The following MYOM1 variants were observed in gnomAD, a reference collection of about 807,000 sequenced individuals.
MYOM1 encodes myomesin-1.
MYOM1 carries 164 observed loss-of-function variants against 205.3 expected under a neutral mutation model. The ratio of observed to expected loss-of-function variants is 0.80; its 90% CI spans 0.70 to 0.91. The LOEUF is 0.91. MYOM1 is among the 40% of genes least tolerant of loss of function. MYOM1 has a pLI of 0.00. For synonymous variants in MYOM1, 772 were observed against 789.4 expected, an observed-to-expected ratio of 0.98 and a Z score of 0.37; for missense variants, 2,011 against 2,127.3, an observed-to-expected ratio of 0.95 and a Z score of 1.08.
chr18:3,202,248 A>G (rs2081078428), intron 2 of MYOM1, among the ~76,000 whole-genome samples: 1 of 152,240 alleles, frequency 6.6e-6, no homozygotes. Flanking sequence ...GGTCCATTTA[A>G]TACAAAATAA....
chr18:3,123,827 A>ATTTTTTTTTTTTTTT (rs5822739), intron 19 of MYOM1, among the ~76,000 whole-genome samples: 3 of 147,380 alleles, frequency 2.0e-5, no homozygotes, highest in Admixed American at 6.7e-5. Context: ...ATTTTTATTT[A>ATTTTTTTTTTTTTTT]TTTATTTTTT....
intron 14 of MYOM1, among the ~76,000 whole-genome samples, chr18:3,140,267 C>T (rs12604970): frequency 0.23 from 35,562 of 151,790 alleles, 4,556 homozygotes; most frequent in East Asian, 0.44. Flanking sequence ...TTTAGCCAGG[C>T]GTGGTGGCTC....
At chr18:3,132,985 C>T (rs1431809028) in intron 16 of MYOM1, among the ~76,000 whole-genome samples, 2 of 151,818 alleles carry the variant, frequency 1.3e-5, no homozygotes, top group African/African-American at 4.8e-5. Flanking sequence ...TCTAGGCCAG[C>T]CCTTCAGTCC....
intron 21 of MYOM1, among the ~76,000 whole-genome samples, chr18:3,113,985 T>C (rs2079566943): frequency 6.6e-6 from 1 of 152,254 alleles, no homozygotes; most frequent in African/African-American, 2.4e-5. Flanking sequence ...TAGCCCTCAC[T>C]GGCACTAACG....
At position 3,116,368 on chromosome 18, in the gene MYOM1, C is replaced by T; in HGVS notation, c.3266G>A (p.Gly1089Glu). Residue 1089 changes from glycine to glutamate, a missense_variant, in exon 21 of 38, where the codon GGG becomes GAG. By Grantham distance (98) the Gly-to-Glu change is moderately conservative. Transcript: ENST00000356443. ...EAKAKEDQWR[G>E]LNEAAIKNVY... ...GTTTTTAATAGCCGCCTCATTGAGCCCTCGCCACTGGTCTTCTTTGGCCTT... is the reference window on the plus strand; with the variant it reads ...GTTTTTAATAGCCGCCTCATTGAGCTCTCGCCACTGGTCTTCTTTGGCCTT... The T allele has an allele frequency of 6.2e-7, 1 of 1,612,740 alleles. No individual in the cohort carries two copies. Among genetic ancestry groups the T allele is most frequent in the South Asian group, 1.1e-5 (1 of 90,952 alleles).
In MYOM1 at chr18:3,116,336, G is replaced by A; in HGVS notation, c.3298C>T (p.Leu1100=). ...LNEAAIKNVY[L]KVRGLKEGVS... ...AGAACTGAGCAGCCTCTTACCTTCA[G>A]GTATACGTTTTTAATAGCCGCCTCA... is the stretch of plus-strand genomic sequence containing the variant. Residue 1100 remains leucine (L), a synonymous_variant, in exon 21 of 38, where the codon CTG becomes TTG. Transcript: ENST00000356443. The A allele has an allele frequency of 6.2e-7, 1 of 1,611,068 alleles. No individual in the cohort carries two copies. The highest frequency in any genetic ancestry group is 8.5e-7 in the Non-Finnish European group (1 of 1,179,406).
chr18:3,142,418 C>T (rs2080064007), intron 13 of MYOM1, among the ~76,000 whole-genome samples: 1 of 152,002 alleles, frequency 6.6e-6, no homozygotes, highest in Non-Finnish European at 1.5e-5. Flanking sequence ...CACACCACCA[C>T]ACCTACATAA....
chr18:3,094,279 A>C lies in MYOM1; in HGVS notation c.3755T>G (p.Val1252Gly), dbSNP rs764372608. Reference sequence around the variant, plus strand: ...GACCTGGCCTTTCTCCAAAATTTCAACTGCCAACTCTGATTTAACTGGGAC... The same window carrying C: ...GACCTGGCCTTTCTCCAAAATTTCACCTGCCAACTCTGATTTAACTGGGAC... ...PTVPVKSELA[V>G]EILEKGQVRF... Residue 1252 changes from valine (V) to glycine (G), a missense_variant, in exon 26 of 38, where the codon GTT (valine) becomes GGT (glycine). Val to Gly is a moderately radical substitution (Grantham distance 109). Transcript: ENST00000356443. 2 of 1,613,648 alleles carry C rather than the reference A, an allele frequency of 1.2e-6. No homozygotes were observed. Among genetic ancestry groups the C allele is most frequent in the East Asian group, 4.5e-5 (2 of 44,890 alleles).
rs1206127107 is a variant in MYOM1 at position 3,152,309 on chromosome 18, T to G, written c.1644-416A>C. 6.6e-6 allele frequency among the ~76,000 whole-genome samples: 1 copy of G among 152,230 alleles called. No individual in the cohort carries two copies. Among genetic ancestry groups the G allele is most frequent in the Admixed American group, 6.5e-5 (1 of 15,286 alleles). ...GTATTTTCTTTGAAAAACAGAGGTA[T>G]TATTGAGAAAATTGGCGTCTTAAAA... On this transcript the variant is annotated intron_variant, in intron 11 of 37. Transcript: ENST00000356443. The surrounding 1 kb of genome is among the most constrained non-coding windows in gnomAD (Gnocchi z 4.3).
At chr18:3,084,549 G>A (rs1484821712) in intron 31 of MYOM1, among the ~76,000 whole-genome samples, 2 of 152,128 alleles carry the variant, frequency 1.3e-5, no homozygotes, top group Non-Finnish European at 2.9e-5. Context: ...TAAAAATCTT[G>A]TTCAGGAACA....
intron 25 of MYOM1, among the ~76,000 whole-genome samples, chr18:3,096,034 G>C (rs2079298490): frequency 6.6e-6 from 1 of 152,164 alleles, no homozygotes; most frequent in South Asian, 2.1e-4. Flanking sequence ...GGCCCTCCTG[G>C]AAGTCTCCAG....
At chr18:3,206,378 T>C (rs932555658) in intron 2 of MYOM1, among the ~76,000 whole-genome samples, 1 of 152,208 alleles carries the variant, frequency 6.6e-6, no homozygotes, top group Non-Finnish European at 1.5e-5. Context: ...GTTTTTAAAC[T>C]GTGGGTCAGC....
Position 3,135,346 on chromosome 18 carries a change from T to C in MYOM1, c.2209+201A>G. On this transcript the variant is annotated intron_variant, in intron 15 of 37. Coordinates refer to ENST00000356443, the MANE Select transcript of MYOM1 (RefSeq NM_003803.4). The surrounding 1 kb of genome is among the most constrained non-coding windows in gnomAD (Gnocchi z 4.1). Reference sequence around the variant, plus strand: ...TTCAGAAAAAACACATTATCAATATTGTTGAAACTCCCAAAGAAGTTTACT... The same window carrying C: ...TTCAGAAAAAACACATTATCAATATCGTTGAAACTCCCAAAGAAGTTTACT... The C allele has an allele frequency of 4.0e-6, 2 of 497,414 alleles. No homozygotes were observed. The highest frequency in any genetic ancestry group is 7.0e-6 in the Non-Finnish European group (2 of 284,632). The allele number at this position is 497,414 out of a possible 1,614,324, so 30.8% of individuals were successfully genotyped here.
chr18:3,131,282 G>A (rs2079871482), intron 17 of MYOM1, 93 bp downstream of exon 17: 2 of 1,386,052 alleles, frequency 1.4e-6, no homozygotes, highest in Middle Eastern at 1.8e-4. Flanking sequence ...CAGCAATATT[G>A]GAAGCTAAAT....
intron 2 of MYOM1, among the ~76,000 whole-genome samples, chr18:3,194,909 T>TA (rs5822742): frequency 0.2 from 29,342 of 147,190 alleles, 4,965 homozygotes; most frequent in African/African-American, 0.46. Context: ...AAACTATTCT[T>TA]AAAAAAAAAA....
At chr18:3,100,296 T>A (rs758823186) in intron 24 of MYOM1, 24 bp downstream of exon 24, 6 of 1,611,828 alleles carry the variant, frequency 3.7e-6, no homozygotes, top group Non-Finnish European at 5.1e-6. Context: ...ATTCGATGTG[T>A]GAATGCACTG....
At chr18:3,096,975 CT>C (rs970519273) in intron 25 of MYOM1, among the ~76,000 whole-genome samples, 1 of 152,114 alleles carries the variant, frequency 6.6e-6, no homozygotes, top group African/African-American at 2.4e-5. Flanking sequence ...TCCTTAGGCT[CT>C]TTTCTCTGGC....
chr18:3,218,708 CAT>C (rs1351713803), intron 1 of MYOM1, among the ~76,000 whole-genome samples: 2 of 152,116 alleles, frequency 1.3e-5, no homozygotes, highest in Non-Finnish European at 2.9e-5. Flanking sequence ...TAACATGGCA[CAT>C]GTTATTTGAA....
chr18:3,193,259 G>A (rs2080938324), intron 3 of MYOM1, among the ~76,000 whole-genome samples: 1 of 150,560 alleles, frequency 6.6e-6, no homozygotes, highest in South Asian at 2.1e-4. Flanking sequence ...GGGTAACAGA[G>A]TGAGACCCTA....
Sources: gnomAD v4.1 joint callset for allele counts (sites outside exome capture counted in the v4.1 genomes callset) on GRCh38, gnomAD v4.1.1 for gene constraint, Gnocchi (gnomAD v3.1) non-coding constraint, MANE v1.5 for transcripts, NCBI Gene and HGNC (gene_info 2026-07-23, HGNC 2026-07-21) for gene names.